The following GDPD4 variants were observed in gnomAD, a reference collection of about 807,000 sequenced individuals.
GDPD4 encodes the protein glycerophosphodiester phosphodiesterase domain containing 4.
Under a neutral mutation model 67.8 loss-of-function variants are expected in GDPD4, and 60 were observed. The ratio of observed to expected loss-of-function variants is 0.88; its 90% CI spans 0.72 to 1.10. The LOEUF (loss-of-function observed/expected upper bound fraction) is 1.10. Ranked by LOEUF, GDPD4 falls within the 50% of genes least tolerant of loss-of-function variation. The pLI is 0.00. For synonymous variants in GDPD4, 212 were observed against 210.9 expected (o/e 1.00, Z -0.04); for missense variants, 623 against 613.9 (o/e 1.01, Z -0.16).
At chr11:77,222,525 C>A (rs1958247623) in intron 16 of GDPD4, among the ~76,000 whole-genome samples, 1 of 149,256 alleles carries the variant, frequency 6.7e-6, no homozygotes, top group African/African-American at 2.6e-5. Context: ...GTTGAAAATT[C>A]TTTTCTTTTC....
chr11:77,264,273 T>C (rs1306250307), intron 10 of GDPD4, among the ~76,000 whole-genome samples: 1 of 152,200 alleles, frequency 6.6e-6, no homozygotes, highest in African/African-American at 2.4e-5. Flanking sequence ...CAAAAATATA[T>C]TCAAATGAAG....
At chr11:77,276,264 A>G (rs1230336567) in intron 4 of GDPD4, 44 bp from the exon 5 acceptor site, 3 of 1,495,868 alleles carry the variant, frequency 2.0e-6, no homozygotes, top group Middle Eastern at 1.7e-4. Flanking sequence ...TGAAATCACC[A>G]AGTTGCCACC....
chr11:77,276,680 G>T (rs1406072607), intron 4 of GDPD4, among the ~76,000 whole-genome samples: 2 of 152,152 alleles, frequency 1.3e-5, no homozygotes, highest in African/African-American at 4.8e-5. Context: ...GTCAACCACT[G>T]TTGTTAACAC....
At chr11:77,219,273 C>T (rs1000931071) in intron 16 of GDPD4, among the ~76,000 whole-genome samples, 4 of 152,070 alleles carry the variant, frequency 2.6e-5, no homozygotes, top group Non-Finnish European at 4.4e-5. Flanking sequence ...TTGTAGATTC[C>T]AGGTATTAGC....
chr11:77,249,648 A>G (rs1412933374), intron 11 of GDPD4, among the ~76,000 whole-genome samples: 1 of 152,228 alleles, frequency 6.6e-6, no homozygotes, highest in Non-Finnish European at 1.5e-5. Context: ...GGAAACCACT[A>G]AGGAAACCAG....
intron 16 of GDPD4, among the ~76,000 whole-genome samples, chr11:77,223,553 C>T (rs990512384): frequency 4.6e-5 from 7 of 152,240 alleles, no homozygotes; most frequent in African/African-American, 1.4e-4. Context: ...CTGCCTGATT[C>T]TTACTCTGGA....
chr11:77,235,025 T>TG (rs1395538850), intron 13 of GDPD4, among the ~76,000 whole-genome samples: 5 of 142,084 alleles, frequency 3.5e-5, no homozygotes, highest in Non-Finnish European at 6.2e-5. Context: ...TTTTTTTTTT[T>TG]TTTTTTTTTT....
At chr11:77,283,752 T>G (rs529842766) in intron 3 of GDPD4, among the ~76,000 whole-genome samples, 1 of 151,992 alleles carries the variant, frequency 6.6e-6, no homozygotes, top group East Asian at 1.9e-4. Context: ...CAAGAAAACA[T>G]TATGCAATAT....
intron 13 of GDPD4, among the ~76,000 whole-genome samples, chr11:77,243,216 C>T (rs1316332209): frequency 6.6e-6 from 1 of 152,088 alleles, no homozygotes; most frequent in Admixed American, 6.5e-5. Context: ...TTAGTTTCTT[C>T]TCATGCTCAG....
intron 2 of GDPD4, among the ~76,000 whole-genome samples, chr11:77,286,046 T>A (rs547816641): frequency 6.6e-6 from 1 of 152,280 alleles, no homozygotes; most frequent in East Asian, 1.9e-4. Context: ...GAAGTCAAAT[T>A]CTTAAAACCA....
intron 16 of GDPD4, among the ~76,000 whole-genome samples, chr11:77,218,015 A>AGTT (rs919068506): frequency 6.6e-6 from 1 of 151,758 alleles, no homozygotes; most frequent in Non-Finnish European, 1.5e-5. Context: ...AAAGTTTTTT[A>AGTT]GTTGTTATAA....
In GDPD4 at chr11:77,216,694, T is replaced by C. The variant is rs1307581799; in HGVS notation, c.*583A>G. On this transcript the variant is annotated 3_prime_UTR_variant, in exon 17 of 17. Coordinates refer to ENST00000315938, the MANE Select transcript of GDPD4 (RefSeq NM_182833.3). ...AGCAGTTTTCCCCTTGCCTAGCCCC[T>C]TGAGATGCATTCTTGATAGCGAGAG... 5.4e-6 allele frequency: 3 copies of C among 554,700 alleles called. No homozygotes were observed. The highest frequency in any genetic ancestry group is 9.6e-6 in the Non-Finnish European group (3 of 311,512). 34.4% of individuals were successfully genotyped at this position (554,700 alleles called of 1,614,324 possible). A position where few individuals can be genotyped will look rare whatever the true frequency, so the allele number is the denominator to read the frequency against.
chr11:77,260,651 C>T (rs1959098325), intron 10 of GDPD4, among the ~76,000 whole-genome samples: 1 of 151,442 alleles, frequency 6.6e-6, no homozygotes, highest in South Asian at 2.1e-4. Context: ...CAGTGTAGAA[C>T]AAAATTATAA....
At chr11:77,279,658 T>C (rs1015905776) in intron 3 of GDPD4, among the ~76,000 whole-genome samples, 1 of 152,004 alleles carries the variant, frequency 6.6e-6, no homozygotes. Flanking sequence ...AAAAATTACG[T>C]CCTCTTTTAA....
chr11:77,252,672 G>A (rs1958930466), intron 11 of GDPD4, among the ~76,000 whole-genome samples: 1 of 152,144 alleles, frequency 6.6e-6, no homozygotes, highest in Non-Finnish European at 1.5e-5. Context: ...TCTAGAGAAA[G>A]ATTTTCACCT....
At chr11:77,260,908 C>T (rs1959102835) in intron 10 of GDPD4, among the ~76,000 whole-genome samples, 1 of 151,940 alleles carries the variant, frequency 6.6e-6, no homozygotes, top group Admixed American at 6.6e-5. Flanking sequence ...CATCAGTGAC[C>T]TGTAAGGCAA....
intron 10 of GDPD4, among the ~76,000 whole-genome samples, chr11:77,266,878 G>A (rs1959180674): frequency 6.6e-6 from 1 of 152,188 alleles, no homozygotes; most frequent in African/African-American, 2.4e-5. Flanking sequence ...GTTACAATAA[G>A]CTGGAGTTAA....
At chr11:77,285,000 G>C (rs1959933634) in intron 3 of GDPD4, 85 bp downstream of exon 3, 2 of 986,110 alleles carry the variant, frequency 2.0e-6, no homozygotes, top group Non-Finnish European at 3.2e-6. Context: ...TATATCACCG[G>C]ATCTTTTCAG....
chr11:77,231,622 T>C (rs1009705868), intron 14 of GDPD4, among the ~76,000 whole-genome samples: 17 of 152,190 alleles, frequency 1.1e-4, no homozygotes, highest in African/African-American at 4.1e-4. Flanking sequence ...TTCATTTAAA[T>C]ATTAAAATGA....
Sources: allele counts gnomAD v4.1 joint callset (sites outside exome capture counted in the v4.1 genomes callset), GRCh38; gene constraint gnomAD v4.1.1; transcripts MANE v1.5; gene names NCBI Gene and HGNC (gene_info 2026-07-23, HGNC 2026-07-21).